MACROD2: variants seen among roughly 807,000 people sequenced by gnomAD.
The protein encoded by MACROD2 is ADP-ribose glycohydrolase MACROD2.
MACROD2 carries 36 observed loss-of-function variants against 70.4 expected under a neutral mutation model. The ratio of observed to expected loss-of-function variants is 0.51; its 90% CI spans 0.39 to 0.68. MACROD2 has a LOEUF of 0.68. Ranked by LOEUF, MACROD2 falls within the 30% of genes least tolerant of loss-of-function variation. The probability of loss-of-function intolerance (pLI) is 0.00; values close to 1 mark genes in which losing one functional copy is unlikely to be tolerated. For missense variants in MACROD2, 496 were observed against 538.4 expected (o/e 0.92, Z 0.78); for synonymous variants, 172 against 178.8 (o/e 0.96, Z 0.30).
intron 3 of MACROD2, among the ~76,000 whole-genome samples, chr20:14,226,160 G>C (rs1195413834): frequency 6.6e-6 from 1 of 152,148 alleles, no homozygotes; most frequent in Admixed American, 6.5e-5. Context: ...TGGCCTCTGG[G>C]GTCTAGCAAT....
intron 5 of MACROD2, among the ~76,000 whole-genome samples, chr20:14,909,730 C>T (rs190249346): frequency 6.6e-6 from 1 of 152,068 alleles, no homozygotes; most frequent in East Asian, 1.9e-4. Flanking sequence ...GCCACTGCTT[C>T]TACCTATCTG....
At chr20:15,410,953 C>T (rs143102346) in intron 6 of MACROD2, among the ~76,000 whole-genome samples, 19 of 152,168 alleles carry the variant, frequency 1.2e-4, no homozygotes, top group African/African-American at 4.1e-4. Context: ...GCAATGGTGC[C>T]GTACAATCTT....
chr20:14,110,864 T>G (rs1359257438), intron 3 of MACROD2, among the ~76,000 whole-genome samples: 1 of 151,852 alleles, frequency 6.6e-6, no homozygotes, highest in Non-Finnish European at 1.5e-5. Context: ...TTTACAGAAA[T>G]AGAAAAATCA....
rs1362577326 is a variant in MACROD2, at chr20:16,041,359, A to G, written c.1231+81A>G. The G allele has an allele frequency of 7.9e-6, 9 of 1,138,664 alleles. No homozygotes were observed. The East Asian group carries it at 1.8e-4, about 23-fold the overall frequency. 70.5% of individuals were successfully genotyped at this position (1,138,664 alleles called of 1,614,324 possible). On this transcript the variant is annotated intron_variant, in intron 16 of 17. Transcript: ENST00000684519. The stretch of plus-strand genomic sequence containing the variant: ...TGTGTAATCTAGGATTAAGGGAACT[A>G]TCTGTTCTATAAAGCAACATATTTG...
intron 5 of MACROD2, among the ~76,000 whole-genome samples, chr20:14,960,517 G>GT (rs982788571): frequency 3.3e-5 from 5 of 152,154 alleles, no homozygotes; most frequent in African/African-American, 9.7e-5. Context: ...GTTTTCGTAT[G>GT]TTTTTTCTTT....
intron 5 of MACROD2, among the ~76,000 whole-genome samples, chr20:14,965,071 G>T (rs1298324792): frequency 2.0e-5 from 3 of 152,142 alleles, no homozygotes; most frequent in Non-Finnish European, 4.4e-5. Flanking sequence ...AGCTGTTTTT[G>T]ATGAACCTGT....
intron 8 of MACROD2, among the ~76,000 whole-genome samples, chr20:15,840,309 A>G (rs1330049071): frequency 6.6e-6 from 1 of 152,160 alleles, no homozygotes; most frequent in Non-Finnish European, 1.5e-5. Flanking sequence ...TTCACTTCCC[A>G]TGTTATGGTG....
intron 4 of MACROD2, among the ~76,000 whole-genome samples, chr20:14,545,975 G>C (rs767993005): frequency 6.6e-6 from 1 of 152,170 alleles, no homozygotes; most frequent in African/African-American, 2.4e-5. Flanking sequence ...TAGTGTAAAA[G>C]AGAAAATGTA....
intron 3 of MACROD2, among the ~76,000 whole-genome samples, chr20:14,456,249 G>A (rs566446344): frequency 7.4e-4 from 113 of 151,958 alleles, no homozygotes; most frequent in Non-Finnish European, 1.4e-3. Context: ...ATAGATCCCA[G>A]GAGTGAATAA....
intron 5 of MACROD2, among the ~76,000 whole-genome samples, chr20:15,182,266 G>A (rs1041889043): frequency 6.6e-6 from 1 of 152,124 alleles, no homozygotes; most frequent in African/African-American, 2.4e-5. Flanking sequence ...AGAGGGAGGG[G>A]AATAAAAAAT....
At chr20:15,357,846 G>T (rs376249011) in intron 6 of MACROD2, among the ~76,000 whole-genome samples, 1 of 142,368 alleles carries the variant, frequency 7.0e-6, no homozygotes, top group Non-Finnish European at 1.5e-5. Flanking sequence ...TTGCTGTGTC[G>T]CCCAGGCTGG....
intron 2 of MACROD2, among the ~76,000 whole-genome samples, chr20:14,082,626 C>T (rs1300640696): frequency 6.6e-6 from 1 of 152,118 alleles, no homozygotes; most frequent in Non-Finnish European, 1.5e-5. Flanking sequence ...TGAAATAATA[C>T]TTCTTAGAGC....
chr20:15,005,660 G>A (rs2075029885), intron 5 of MACROD2, among the ~76,000 whole-genome samples: 1 of 152,100 alleles, frequency 6.6e-6, no homozygotes, highest in Non-Finnish European at 1.5e-5. Flanking sequence ...GATTTGGCCA[G>A]AATTTACCCA....
chr20:14,056,017 C>T (rs2053627705), intron 2 of MACROD2, among the ~76,000 whole-genome samples: 1 of 152,066 alleles, frequency 6.6e-6, no homozygotes, highest in Non-Finnish European at 1.5e-5. Context: ...ATTGATTATG[C>T]AGATTGTAAA....
chr20:15,210,249 C>T (rs1370255513), intron 5 of MACROD2, among the ~76,000 whole-genome samples: 3 of 152,174 alleles, frequency 2.0e-5, no homozygotes, highest in Non-Finnish European at 4.4e-5. Context: ...TATGTTCTTT[C>T]CAGTTATTGG....
chr20:14,299,160 TACAG>T (rs1447721224), intron 3 of MACROD2, among the ~76,000 whole-genome samples: 2 of 152,200 alleles, frequency 1.3e-5, no homozygotes, highest in Non-Finnish European at 2.9e-5. Flanking sequence ...AGTCAATTAA[TACAG>T]ACAATTTCAT....
At chr20:15,127,686 A>AAGGGAGGTGGATG (rs1403843536) in intron 5 of MACROD2, among the ~76,000 whole-genome samples, 3 of 152,030 alleles carry the variant, frequency 2.0e-5, no homozygotes, top group Non-Finnish European at 4.4e-5. Flanking sequence ...TGAAGAGGTA[A>AAGGGAGGTGGATG]AGGGAGGTGG....
At chr20:15,377,076 G>C (rs536904343) in intron 6 of MACROD2, among the ~76,000 whole-genome samples, 1 of 152,138 alleles carries the variant, frequency 6.6e-6, no homozygotes, top group Admixed American at 6.5e-5. Context: ...ATTTTTAGTA[G>C]AGATGGGGTT....
chr20:15,184,272 T>C (rs1469775955), intron 5 of MACROD2, among the ~76,000 whole-genome samples: 1 of 152,176 alleles, frequency 6.6e-6, no homozygotes, highest in African/African-American at 2.4e-5. Flanking sequence ...GGGGAAATAC[T>C]GGGGTTGGGT....
Sources: allele counts gnomAD v4.1 joint callset (sites outside exome capture counted in the v4.1 genomes callset), GRCh38; gene constraint gnomAD v4.1.1; transcripts MANE v1.5; gene names NCBI Gene and HGNC (gene_info 2026-07-23, HGNC 2026-07-21).